PHF14: variants seen among roughly 807,000 people sequenced by gnomAD.
The protein encoded by PHF14 is PHD finger protein 14.
A neutral mutation model predicts 117.9 loss-of-function variants in PHF14; 55 were observed. The observed-to-expected ratio is 0.47, with a 90% confidence interval of 0.38 to 0.58. PHF14 has a LOEUF of 0.58. PHF14 is among the 20% of genes least tolerant of loss of function. The pLI, the probability that PHF14 is intolerant of heterozygous loss-of-function variation, is 0.00. For synonymous variants in PHF14, 409 were observed against 368.6 expected (o/e 1.11, Z -1.26); for missense variants, 978 against 1,122.2 (o/e 0.87, Z 1.84).
At chr7:11,029,646 A>T (rs1288960914) in intron 7 of PHF14, among the ~76,000 whole-genome samples, 3 of 152,146 alleles carry the variant, frequency 2.0e-5, no homozygotes, top group African/African-American at 7.2e-5. Flanking sequence ...ATTGCAAAAA[A>T]TTTTCAGTTT....
chr7:11,086,073 A>T (rs770183354), intron 16 of PHF14, among the ~76,000 whole-genome samples: 5 of 152,184 alleles, frequency 3.3e-5, no homozygotes, highest in Non-Finnish European at 7.4e-5. Context: ...GGATTAAATG[A>T]ATAAAAATAT....
At chr7:11,064,463 T>C (rs930514889) in intron 16 of PHF14, among the ~76,000 whole-genome samples, 1 of 151,934 alleles carries the variant, frequency 6.6e-6, no homozygotes, top group East Asian at 1.9e-4. Flanking sequence ...GTCTGTTAGG[T>C]TCTCTTTTAA....
At chr7:11,054,668 C>G (rs1410857750) in intron 14 of PHF14, among the ~76,000 whole-genome samples, 3 of 152,000 alleles carry the variant, frequency 2.0e-5, no homozygotes, top group Non-Finnish European at 2.9e-5. Context: ...TTATGAGAGA[C>G]CAGGCATACA....
At chr7:11,018,788 A>G (rs1464725883) in intron 5 of PHF14, among the ~76,000 whole-genome samples, 1 of 152,170 alleles carries the variant, frequency 6.6e-6, no homozygotes, top group Admixed American at 6.5e-5. Flanking sequence ...GTTGAATAAC[A>G]GTGGTGACAG....
chr7:11,057,614 T>C (rs1785062040), intron 14 of PHF14, among the ~76,000 whole-genome samples: 1 of 152,186 alleles, frequency 6.6e-6, no homozygotes, highest in Non-Finnish European at 1.5e-5. Flanking sequence ...CCTCAGGTGA[T>C]CTACCCGCCT....
chr7:11,033,015 A>T (rs1784174338), intron 7 of PHF14, among the ~76,000 whole-genome samples: 2 of 148,262 alleles, frequency 1.3e-5, no homozygotes, highest in South Asian at 4.1e-4. Context: ...AACCCACCTC[A>T]TGTGGTAGTG....
intron 16 of PHF14, among the ~76,000 whole-genome samples, chr7:11,083,751 C>T (rs1786264554): frequency 6.6e-6 from 1 of 152,060 alleles, no homozygotes; most frequent in Non-Finnish European, 1.5e-5. Context: ...TGAGTCACCA[C>T]ACCTGGCCTG....
rs548256101 is a variant in PHF14, at chr7:11,151,231, C to A, written c.2773-18185C>A. 2.0e-5 allele frequency among the ~76,000 whole-genome samples: 3 copies of A among 152,178 alleles called. No homozygotes were observed. In the East Asian group the frequency reaches 5.8e-4, roughly 29 times the overall value. On this transcript the variant is annotated intron_variant, in intron 17 of 17. Transcript: ENST00000634607. ...AATGTCACTATGAAGTCACTGACTTCTGTGTATTTTCTCATTTTTATATAT... is the reference window on the plus strand; with the variant it reads ...AATGTCACTATGAAGTCACTGACTTATGTGTATTTTCTCATTTTTATATAT...
intron 17 of PHF14, among the ~76,000 whole-genome samples, chr7:11,136,435 T>C (rs1007911940): frequency 3.9e-5 from 6 of 152,176 alleles, no homozygotes; most frequent in Non-Finnish European, 7.4e-5. Context: ...ATTACCAGAG[T>C]AAAGTATCTG....
At chr7:11,164,042 A>G (rs1257430783) in intron 17 of PHF14, among the ~76,000 whole-genome samples, 1 of 152,208 alleles carries the variant, frequency 6.6e-6, no homozygotes. Flanking sequence ...GGATCCAGTT[A>G]TAATAACTGT....
chr7:11,074,449 A>T (rs1785750413), intron 16 of PHF14, among the ~76,000 whole-genome samples: 1 of 151,994 alleles, frequency 6.6e-6, no homozygotes, highest in African/African-American at 2.4e-5. Flanking sequence ...TGACCTCGTG[A>T]TCCGCCTGCT....
chr7:11,109,791 ATAAAG>A (rs952034068), intron 16 of PHF14: 5 of 151,924 alleles, frequency 3.3e-5, no homozygotes, highest in African/African-American at 9.7e-5. Flanking sequence ...GTCATAGTAA[ATAAAG>A]TACTGTTGGT....
chr7:11,161,952 A>G (rs1583514076), intron 17 of PHF14, among the ~76,000 whole-genome samples: 1 of 151,014 alleles, frequency 6.6e-6, no homozygotes, highest in East Asian at 1.9e-4. Context: ...TTCTATTGTC[A>G]AGACCATAAG....
intron 16 of PHF14, among the ~76,000 whole-genome samples, chr7:11,088,727 T>A (rs1392388450): frequency 1.3e-5 from 2 of 152,152 alleles, no homozygotes; most frequent in Non-Finnish European, 2.9e-5. Flanking sequence ...GTAGGAAAAT[T>A]ATTCCCACCG....
In PHF14 at chr7:11,136,253, AG is replaced by A. The variant is rs557100334; in HGVS notation, c.2772+24787del. On this transcript the variant is annotated intron_variant, in intron 17 of 17. Coordinates refer to ENST00000634607, the MANE Select transcript of PHF14 (RefSeq NM_001007157.2). The stretch of plus-strand genomic sequence containing the variant: ...ATGCCGTGGTGGGATGCTGTTAAAT[AG>A]TTCTGGTCTGTCAGAATTTTAATTA... Among the ~76,000 whole-genome samples, 1,033 of 152,264 alleles carry A rather than the reference AG, an allele frequency of 6.8e-3. 6 individuals carry two copies. Among genetic ancestry groups the A allele is most frequent in the Non-Finnish European group, 0.011 (736 of 68,000 alleles).
chr7:11,115,072 C>G (rs1433043638), intron 17 of PHF14, among the ~76,000 whole-genome samples: 4 of 152,088 alleles, frequency 2.6e-5, no homozygotes, highest in African/African-American at 9.7e-5. Context: ...AGTCACATAT[C>G]TGGAATCATC....
At chr7:10,981,354 C>T (rs1208569713) in intron 2 of PHF14, among the ~76,000 whole-genome samples, 2 of 152,192 alleles carry the variant, frequency 1.3e-5, no homozygotes, top group African/African-American at 4.8e-5. Flanking sequence ...GCTCCCTGTC[C>T]TCTTTCCCTC....
chr7:11,076,730 A>G (rs529355983), intron 16 of PHF14, among the ~76,000 whole-genome samples: 8 of 151,050 alleles, frequency 5.3e-5, no homozygotes, highest in Non-Finnish European at 1.2e-4. Flanking sequence ...ACCACACCCG[A>G]CTAATTTTTG....
intron 3 of PHF14, among the ~76,000 whole-genome samples, chr7:10,986,850 A>G (rs1173915394): frequency 1.3e-5 from 2 of 152,236 alleles, no homozygotes; most frequent in Admixed American, 6.5e-5. Context: ...AATTATATCA[A>G]TAGAATTGGC....
Sources: allele counts gnomAD v4.1 joint callset (sites outside exome capture counted in the v4.1 genomes callset), GRCh38; gene constraint gnomAD v4.1.1; transcripts MANE v1.5; gene names NCBI Gene and HGNC (gene_info 2026-07-23, HGNC 2026-07-21).